The following GLIS3 variants were observed in gnomAD, a reference collection of about 807,000 sequenced individuals.
GLIS3 encodes GLIS family zinc finger 3, also known as zinc finger protein GLIS3.
A neutral mutation model predicts 78.6 loss-of-function variants in GLIS3; 53 were observed. That is an observed-to-expected ratio of 0.67 (90% CI 0.54 to 0.85). The LOEUF (loss-of-function observed/expected upper bound fraction) is 0.85, where lower values mean the gene tolerates loss of function less well. Ranked by LOEUF, GLIS3 falls within the 40% of genes least tolerant of loss-of-function variation. The pLI, the probability that GLIS3 is intolerant of heterozygous loss-of-function variation, is 0.00. For missense variants in GLIS3, 1,703 were observed against 1,231.1 expected (o/e 1.38, Z -5.74); for synonymous variants, 684 against 509.9 (o/e 1.34, Z -4.60).
At chr9:4,217,576 T>C (rs1182358785) in intron 2 of GLIS3, among the ~76,000 whole-genome samples, 1 of 152,208 alleles carries the variant, frequency 6.6e-6, no homozygotes, top group Non-Finnish European at 1.5e-5. Context: ...AGGCTACTTG[T>C]AGTACCCTCA....
intron 4 of GLIS3, among the ~76,000 whole-genome samples, chr9:4,102,280 G>C (rs1210515241): frequency 1.3e-5 from 2 of 152,172 alleles, no homozygotes; most frequent in Non-Finnish European, 1.5e-5. Context: ...GTAGTCATCA[G>C]AAGCTAAAGA....
chr9:4,409,508 C>G, the GLIS3 span, among the ~76,000 whole-genome samples: 1 of 152,086 alleles, frequency 6.6e-6, no homozygotes, highest in Non-Finnish European at 1.5e-5. Context: ...CAGGCAGTCT[C>G]CTATGTCATT....
intron 4 of GLIS3, among the ~76,000 whole-genome samples, chr9:4,051,151 C>G (rs1262490715): frequency 6.6e-6 from 1 of 152,214 alleles, no homozygotes; most frequent in Non-Finnish European, 1.5e-5. Flanking sequence ...TGGAAGCAGA[C>G]AATGAGCCTC....
chr9:4,411,518 C>T, the GLIS3 span, among the ~76,000 whole-genome samples: 1 of 152,312 alleles, frequency 6.6e-6, no homozygotes, highest in East Asian at 1.9e-4. Context: ...CAGAATTTAT[C>T]TGTGTATCCC....
intron 7 of GLIS3, among the ~76,000 whole-genome samples, chr9:3,882,942 GA>G (rs1821831975): frequency 6.6e-6 from 1 of 152,190 alleles, no homozygotes; most frequent in African/African-American, 2.4e-5. Context: ...GTGTCTACAT[GA>G]CAGCACTTTG....
chr9:4,179,702 G>C (rs749415881), intron 2 of GLIS3, among the ~76,000 whole-genome samples: 1 of 152,132 alleles, frequency 6.6e-6, no homozygotes. Context: ...CTGAGGTTAG[G>C]AGTTCGAGAC....
the GLIS3 span, among the ~76,000 whole-genome samples, chr9:4,382,377 T>C: frequency 0.013 from 1,972 of 152,292 alleles, 44 homozygotes; most frequent in African/African-American, 0.045. Flanking sequence ...CTTTCCCCCA[T>C]CCTGGAATAC....
intron 7 of GLIS3, chr9:3,898,240 G>A (rs1290835435): frequency 4.1e-6 from 1 of 245,746 alleles, no homozygotes; most frequent in East Asian, 9.9e-5. Flanking sequence ...TGGCAAACAT[G>A]AATGAACATT....
chr9:3,838,509 G>C (rs1818504493), intron 9 of GLIS3, among the ~76,000 whole-genome samples: 1 of 152,140 alleles, frequency 6.6e-6, no homozygotes, highest in African/African-American at 2.4e-5. Context: ...CTGGTGAATG[G>C]AATGGGCATG....
At chr9:4,252,008 C>A (rs1824444455) in intron 2 of GLIS3, among the ~76,000 whole-genome samples, 1 of 152,150 alleles carries the variant, frequency 6.6e-6, no homozygotes, top group African/African-American at 2.4e-5. Flanking sequence ...TTGTGGGTAA[C>A]CGGACCTTTC....
the GLIS3 span, among the ~76,000 whole-genome samples, chr9:4,487,138 T>A: frequency 6.6e-6 from 1 of 152,162 alleles, no homozygotes; most frequent in Non-Finnish European, 1.5e-5. Flanking sequence ...TAGCTGGGAT[T>A]ACAGGCACCC....
chr9:3,870,548 G>T (rs1271536482), intron 8 of GLIS3, among the ~76,000 whole-genome samples: 3 of 152,166 alleles, frequency 2.0e-5, no homozygotes, highest in Non-Finnish European at 4.4e-5. Flanking sequence ...CATGGCAGAA[G>T]GTAAGGAGGA....
At chr9:4,388,855 T>A in the GLIS3 span, among the ~76,000 whole-genome samples, 1 of 152,140 alleles carries the variant, frequency 6.6e-6, no homozygotes, top group Admixed American at 6.5e-5. Flanking sequence ...TGACATTAGA[T>A]AGCTTTGGGG....
chr9:4,247,515 A>T (rs922960942), intron 2 of GLIS3, among the ~76,000 whole-genome samples: 6 of 152,132 alleles, frequency 3.9e-5, no homozygotes, highest in Non-Finnish European at 7.4e-5. Context: ...GGGTTAACAG[A>T]CTGTCTCTAA....
chr9:3,999,956 G>GA (rs1218423736), intron 4 of GLIS3, among the ~76,000 whole-genome samples: 4 of 151,976 alleles, frequency 2.6e-5, no homozygotes, highest in African/African-American at 9.7e-5. Context: ...ATTAATATAC[G>GA]AAAAAGGTAT....
At position 4,134,661 on chromosome 9, in the gene GLIS3, G is replaced by C. The variant is rs905681758; in HGVS notation, c.389-8720C>G. Among the ~76,000 whole-genome samples the C allele has an allele frequency of 2.6e-5, 4 of 152,158 alleles. No homozygotes were observed. In the South Asian group the frequency reaches 6.2e-4, roughly 24 times the overall value. ...ATTATGTTACGGAATGATATTTTTAGTAATGCAAATTGAGCCATAATGGGG... is the reference window on the plus strand; with the variant it reads ...ATTATGTTACGGAATGATATTTTTACTAATGCAAATTGAGCCATAATGGGG... On this transcript the variant is annotated intron_variant, in intron 2 of 10. Coordinates refer to ENST00000381971, the MANE Select transcript of GLIS3 (RefSeq NM_001042413.2).
intron 4 of GLIS3, among the ~76,000 whole-genome samples, chr9:4,072,758 T>C (rs1247507409): frequency 2.0e-5 from 3 of 151,880 alleles, no homozygotes; most frequent in South Asian, 4.2e-4. Context: ...TTTGTTGTTG[T>C]TGTTATATCA....
At chr9:4,199,527 T>C (rs7044929) in intron 2 of GLIS3, among the ~76,000 whole-genome samples, 23,679 of 148,020 alleles carry the variant, frequency 0.16, 2,735 homozygotes, top group African/African-American at 0.33. Flanking sequence ...TAAAACAGAC[T>C]TTTCCAACAA....
the GLIS3 span, among the ~76,000 whole-genome samples, chr9:4,362,324 A>T: frequency 6.6e-6 from 1 of 152,058 alleles, no homozygotes; most frequent in Non-Finnish European, 1.5e-5. Flanking sequence ...GGAATCTCTC[A>T]TTCTTTTTGC....
Sources: allele counts gnomAD v4.1 joint callset (sites outside exome capture counted in the v4.1 genomes callset), GRCh38; gene constraint gnomAD v4.1.1; transcripts MANE v1.5; gene names NCBI Gene and HGNC (gene_info 2026-07-23, HGNC 2026-07-21).